The following GCC2 variants were observed in gnomAD, a reference collection of about 807,000 sequenced individuals.
The protein encoded by GCC2 is GRIP and coiled-coil domain containing 2.
A neutral mutation model predicts 210.6 loss-of-function variants in GCC2; 120 were observed. The observed-to-expected ratio is 0.57, with a 90% CI of 0.49 to 0.66. The LOEUF (loss-of-function observed/expected upper bound fraction) is 0.66. GCC2 is among the 30% of genes least tolerant of loss of function. The pLI is 0.00. For missense variants in GCC2, 1,868 were observed against 1,871.9 expected, an observed-to-expected ratio of 1.00 and a Z score of 0.04; for synonymous variants, 703 against 652.7, an observed-to-expected ratio of 1.08 and a Z score of -1.17.
rs34052393 is a variant in GCC2 at position 108,459,745 on chromosome 2, C to CTTTTTTTTTTTT, written c.216+7301_216+7312dup. On this transcript the variant is annotated intron_variant, in intron 4 of 22. Transcript: ENST00000309863. ...GCCATTAGATAATGACCTTCTTTGT[C>CTTTTTTTTTTTT]TTTTTTTTTTTTTTTTTTTTTTTTT... Among the ~76,000 whole-genome samples, 228 of 26,756 alleles carry CTTTTTTTTTTTT rather than the reference C, an allele frequency of 8.5e-3. 20 individuals are homozygous for CTTTTTTTTTTTT. Among genetic ancestry groups the CTTTTTTTTTTTT allele is most frequent in the East Asian group, 0.026 (8 of 306 alleles). 17.6% of individuals were successfully genotyped at this position (26,756 alleles called of 152,430 possible).
At chr2:108,464,053 G>A (rs886333994) in intron 4 of GCC2, among the ~76,000 whole-genome samples, 2 of 152,114 alleles carry the variant, frequency 1.3e-5, no homozygotes, top group Admixed American at 6.5e-5. Context: ...GTGCCCTTAG[G>A]TTCCTCGGTG....
intron 4 of GCC2, 61 bp from the exon 5 acceptor site, chr2:108,468,919 T>TA: frequency 2.9e-6 from 3 of 1,021,174 alleles, no homozygotes; most frequent in Non-Finnish European, 4.7e-6. Context: ...AGGAGATAAT[T>TA]ACGCATGTGG....
At position 108,505,139 on chromosome 2, in the gene GCC2, C is replaced by G. The variant is rs1339691559; in HGVS notation, c.4985-2421C>G. On this transcript the variant is annotated intron_variant, in intron 22 of 22. Coordinates refer to ENST00000309863, the MANE Select transcript of GCC2 (RefSeq NM_181453.4). ...TGTTTGCACAAGGGCAGGGGCCTGC[C>G]AGATCTGAGAACACAGCAAAATTTT... is the stretch of plus-strand genomic sequence containing the variant. Among the ~76,000 whole-genome samples the G allele has an allele frequency of 2.6e-5, 4 of 152,214 alleles. No individual in the cohort carries two copies. The South Asian group carries it at 6.2e-4, about 24-fold the overall frequency.
chr2:108,472,351 AT>A (rs1380931079), intron 6 of GCC2, among the ~76,000 whole-genome samples: 1 of 152,082 alleles, frequency 6.6e-6, no homozygotes, highest in Non-Finnish European at 1.5e-5. Flanking sequence ...AGATTAAATG[AT>A]TAGGGGTTTA....
At position 108,470,778 on chromosome 2, in the gene GCC2, A is replaced by G. The variant is rs1381407477; in HGVS notation, c.1449A>G (p.Leu483=). 6.2e-7 allele frequency: 1 copy of G among 1,613,864 alleles called. No homozygotes were observed. The highest frequency in any genetic ancestry group is 8.5e-7 in the Non-Finnish European group (1 of 1,179,906). Residue 483 remains leucine, a synonymous_variant, in exon 6 of 23, where the codon TTA becomes TTG. Transcript: ENST00000309863. ...AAGCAATTTTAAATTATGAGAGTTT[A>G]CGAGAGATTATGGAAATTTTACAAA... is the stretch of plus-strand genomic sequence containing the variant. The part of the protein sequence containing the change: ...KQEAILNYES[L]REIMEILQTE...
At chr2:108,501,293 GT>G (rs1170366261) in intron 22 of GCC2, among the ~76,000 whole-genome samples, 1 of 151,852 alleles carries the variant, frequency 6.6e-6, no homozygotes. Flanking sequence ...CCATTTTGTT[GT>G]TTTTTTATCT....
chr2:108,478,038 G>A (rs1262361843), intron 9 of GCC2, among the ~76,000 whole-genome samples: 2 of 151,252 alleles, frequency 1.3e-5, no homozygotes, highest in African/African-American at 4.9e-5. Context: ...GATTACAAAG[G>A]AAAAGATTGA....
At chr2:108,455,393 A>G (rs1310528980) in intron 4 of GCC2, among the ~76,000 whole-genome samples, 1 of 152,050 alleles carries the variant, frequency 6.6e-6, no homozygotes, top group Non-Finnish European at 1.5e-5. Context: ...GAGCTGAGAT[A>G]GTGCCACTGC....
At chr2:108,496,943 A>G in intron 20 of GCC2, 27 bp from the exon 21 acceptor site, 1 of 1,610,946 alleles carries the variant, frequency 6.2e-7, no homozygotes, top group Middle Eastern at 2.3e-4. Flanking sequence ...GATTTTGAAA[A>G]TTAATTCTTG....
chr2:108,482,559 A>G, intron 11 of GCC2, 108 bp downstream of exon 11: 1 of 583,266 alleles, frequency 1.7e-6, no homozygotes, highest in East Asian at 2.9e-5. Context: ...AATACAGCAG[A>G]GTTCATTAAT....
Position 108,489,967 on chromosome 2 carries a change from C to A in GCC2, c.4182C>A (p.Asn1394Lys). 6.2e-7 allele frequency: 1 copy of A among 1,610,920 alleles called. No individual in the cohort carries two copies. Reference sequence around the variant, plus strand: ...ATGATACACTGCTAGAAAGGCACAACAAGATGCTGCAGGAAACTGTGTCCA... The same window carrying A: ...ATGATACACTGCTAGAAAGGCACAAAAAGATGCTGCAGGAAACTGTGTCCA... The part of the protein sequence containing the change: ...SEHDTLLERH[N>K]KMLQETVSKE... Residue 1394 changes from asparagine to lysine, a missense_variant, in exon 18 of 23, where the codon AAC becomes AAA. Around this residue, in one of 3 missense-constraint regions of GCC2, gnomAD observed 1,847 missense variants for 1,765.2 expected, o/e 1.05. Transcript: ENST00000309863.
chr2:108,475,546 AAAG>A lies in GCC2; in HGVS notation c.2875_2877del (p.Glu959del). 1 of 1,449,982 alleles carries A rather than the reference AAAG, an allele frequency of 6.9e-7. No homozygotes were observed. Among genetic ancestry groups the A allele is most frequent in the Non-Finnish European group, 9.3e-7 (1 of 1,072,728 alleles). The allele number at this position is 1,449,982 out of a possible 1,614,324, so 89.8% of individuals were successfully genotyped here. On this transcript the variant is annotated inframe_deletion, in exon 8 of 23. Transcript: ENST00000309863. Reference sequence around the variant, plus strand: ...TTTTCTATTTTTAGAAAATCTGGAAAAAGAATGCAAAGAAAAGGAGGAGAAAAT... The same window carrying A: ...TTTTCTATTTTTAGAAAATCTGGAAAAATGCAAAGAAAAGGAGGAGAAAAT...
At chr2:108,492,495 T>C (rs1682452498) in intron 18 of GCC2, 78 bp from the exon 19 acceptor site, 1 of 879,376 alleles carries the variant, frequency 1.1e-6, no homozygotes, top group Middle Eastern at 2.4e-4. Context: ...CTAATTCTCT[T>C]GCAGAACCCA....
intron 17 of GCC2, 80 bp downstream of exon 17, chr2:108,487,900 A>AT (rs1008834430): frequency 0.061 from 38,903 of 641,792 alleles, 9 homozygotes; most frequent in Non-Finnish European, 0.066. Flanking sequence ...TCCTATTATG[A>AT]TTTTTTTTTT....
chr2:108,459,893 G>A (rs892027828), intron 4 of GCC2, among the ~76,000 whole-genome samples: 1 of 151,736 alleles, frequency 6.6e-6, no homozygotes, highest in East Asian at 1.9e-4. Flanking sequence ...TCACGCCGCT[G>A]CCAGGCTGGA....
intron 7 of GCC2, 149 bp downstream of exon 7, chr2:108,473,048 C>G: frequency 1.9e-6 from 1 of 514,640 alleles, no homozygotes; most frequent in South Asian, 3.1e-5. Flanking sequence ...TCTTGCCCCT[C>G]TAACACCTGT....
chr2:108,495,618 T>C (rs565126005), intron 20 of GCC2, 133 bp downstream of exon 20: 175 of 533,284 alleles, frequency 3.3e-4, no homozygotes, highest in Non-Finnish European at 4.5e-4. Context: ...TACCTGTTTG[T>C]ATTAGGGTTC....
chr2:108,449,633 G>C lies in GCC2; in HGVS notation c.7G>C (p.Asp3His), dbSNP rs138524973. 153 of 1,613,528 alleles carry C rather than the reference G, an allele frequency of 9.5e-5. No individual in the cohort carries two copies. The highest frequency in any genetic ancestry group is 1.3e-4 in the Non-Finnish European group (148 of 1,179,558). ...ACCTGGGTTTGATTTTGTTTTGCAG[G>C]ATCTTGTTCAAGATGGGGTGGCTTC... is the stretch of plus-strand genomic sequence containing the variant. ME[D>H]LVQDGVASPA... The change falls in exon 2 of 23, where the codon GAT (aspartate) becomes CAT (histidine). Residue 3 changes from aspartate (D) to histidine (H), a missense_variant and splice_region_variant. Physicochemically the swap from Asp to His is moderately conservative, Grantham distance 81 (BLOSUM62 -1). Transcript: ENST00000309863.
chr2:108,509,068 T>C lies in GCC2; in HGVS notation c.*1438T>C, dbSNP rs1193459256. ...GTCTTAGAAGAACAGACCTAACTAG[T>C]GAATGTATTAATGAAAATGCATCTA... On this transcript the variant is annotated 3_prime_UTR_variant, in exon 23 of 23. Transcript: ENST00000309863. The C allele has an allele frequency of 1.3e-5, 2 of 152,750 alleles. No individual in the cohort carries two copies. Among genetic ancestry groups the C allele is most frequent in the Non-Finnish European group, 2.9e-5 (2 of 68,034 alleles). The allele number at this position is 152,750 out of a possible 1,614,324, so 9.5% of individuals were successfully genotyped here.
Sources: gnomAD v4.1 joint callset for allele counts (sites outside exome capture counted in the v4.1 genomes callset) on GRCh38, gnomAD v4.1.1 for gene constraint, gnomAD v4.1.1 regional missense constraint, MANE v1.5 for transcripts, NCBI Gene and HGNC (gene_info 2026-07-23, HGNC 2026-07-21) for gene names.